SYT14: variants seen among roughly 807,000 people sequenced by gnomAD.
SYT14 encodes synaptotagmin 14, also known as synaptotagmin-14.
In SYT14, 32 loss-of-function variants were observed where a neutral mutation model predicts 74.2. The ratio of observed to expected loss-of-function variants is 0.43; its 90% confidence interval spans 0.33 to 0.58. The LOEUF is 0.58. Among genes scored for constraint, SYT14 ranks in the 20% least tolerant of loss-of-function variants. The probability of loss-of-function intolerance (pLI) is 0.05; values close to 1 mark genes in which losing one functional copy is unlikely to be tolerated. For synonymous variants in SYT14, 298 were observed against 337.7 expected (o/e 0.88, Z 1.29); for missense variants, 791 against 981.8 (o/e 0.81, Z 2.60).
chr1:210,018,167 C>A (rs867543134), intron 4 of SYT14, among the ~76,000 whole-genome samples: 1 of 152,154 alleles, frequency 6.6e-6, no homozygotes, highest in Non-Finnish European at 1.5e-5. Context: ...CAGAGTCTTG[C>A]GCTGTCGCCA....
At chr1:209,955,491 C>CT (rs1005603052) in intron 2 of SYT14, among the ~76,000 whole-genome samples, 2 of 151,948 alleles carry the variant, frequency 1.3e-5, no homozygotes, top group African/African-American at 2.4e-5. Flanking sequence ...AATTTATCCT[C>CT]TTTTTTTTCA....
In SYT14 at chr1:210,092,209, T is replaced by C. The variant is rs1008651303; in HGVS notation, c.1313-2113T>C. Among the ~76,000 whole-genome samples, 3 of 152,182 alleles carry C rather than the reference T, an allele frequency of 2.0e-5. No individual in the cohort carries two copies. In the South Asian group the frequency reaches 6.2e-4, roughly 32 times the overall value. ...ATAGGGATTTGTCTCAGGTGTCAAG[T>C]TTGGAGGTAGGTATTTAGTGATGTT... On this transcript the variant is annotated intron_variant, in intron 5 of 9. Coordinates refer to ENST00000637265, the Ensembl canonical transcript of SYT14.
At chr1:210,126,394 T>C (rs2082571738) in intron 7 of SYT14, among the ~76,000 whole-genome samples, 1 of 151,906 alleles carries the variant, frequency 6.6e-6, no homozygotes, top group African/African-American at 2.4e-5. Flanking sequence ...CAAAGTCACA[T>C]GCTTAAGAAG....
chr1:210,163,758 C>T (rs937513317), exon 10 of SYT14: 11 of 453,626 alleles, frequency 2.4e-5, no homozygotes, highest in Non-Finnish European at 4.0e-5. Context: ...GCTCAGGGGA[C>T]CCACTTCACT....
chr1:210,034,244 AAC>A (rs893882060), intron 5 of SYT14, among the ~76,000 whole-genome samples: 1 of 151,762 alleles, frequency 6.6e-6, no homozygotes, highest in African/African-American at 2.4e-5. Context: ...CCAAAATTTA[AAC>A]ACACAGTGTC....
intron 6 of SYT14, 50 bp from the exon 6 acceptor site, chr1:210,099,962 G>A: frequency 6.7e-7 from 1 of 1,499,770 alleles, no homozygotes; most frequent in Non-Finnish European, 9.2e-7. Flanking sequence ...TTACATGCTA[G>A]GTTAAATAAT....
intron 7 of SYT14, among the ~76,000 whole-genome samples, chr1:210,143,772 A>G (rs1173893266): frequency 6.6e-6 from 1 of 152,216 alleles, no homozygotes; most frequent in Non-Finnish European, 1.5e-5. Flanking sequence ...TCAAGCATTC[A>G]GACCCTTTAT....
chr1:210,162,848 A>G, exon 10 of SYT14: 1 of 453,412 alleles, frequency 2.2e-6, no homozygotes, highest in Non-Finnish European at 4.4e-6. Flanking sequence ...ATTGGATGAC[A>G]TGAGGTTTGA....
At chr1:210,124,372 A>T (rs1235297111) in intron 7 of SYT14, among the ~76,000 whole-genome samples, 2 of 152,146 alleles carry the variant, frequency 1.3e-5, no homozygotes, top group East Asian at 3.8e-4. Flanking sequence ...TATGACTAAC[A>T]GGTGATTCAT....
intron 5 of SYT14, among the ~76,000 whole-genome samples, chr1:210,068,708 A>T (rs2081340057): frequency 6.6e-6 from 1 of 151,620 alleles, no homozygotes; most frequent in Non-Finnish European, 1.5e-5. Flanking sequence ...TGTTTACTTA[A>T]TTCTTTCAGG....
intron 1 of SYT14, among the ~76,000 whole-genome samples, chr1:209,949,918 A>C (rs2078884964): frequency 6.6e-6 from 1 of 152,228 alleles, no homozygotes; most frequent in Non-Finnish European, 1.5e-5. Flanking sequence ...CGAGTAACTT[A>C]AAAAATTTAA....
chr1:210,050,795 A>C (rs1360955038), intron 5 of SYT14, among the ~76,000 whole-genome samples: 4 of 152,226 alleles, frequency 2.6e-5, no homozygotes, highest in Admixed American at 6.5e-5. Context: ...AGAACAGTGC[A>C]GGAAAGACCC....
chr1:209,976,104 A>G (rs2079357959), intron 2 of SYT14, among the ~76,000 whole-genome samples: 1 of 150,826 alleles, frequency 6.6e-6, no homozygotes, highest in African/African-American at 2.4e-5. Context: ...TTTCTTCTTT[A>G]TTAGTCTTGC....
chr1:210,023,490 C>T (rs1360826250), intron 5 of SYT14, among the ~76,000 whole-genome samples: 1 of 151,954 alleles, frequency 6.6e-6, no homozygotes, highest in Non-Finnish European at 1.5e-5. Context: ...ATTACAGGCG[C>T]CTGCCACCAT....
At chr1:210,162,397 C>A in exon 10 of SYT14, 1 of 407,398 alleles carries the variant, frequency 2.5e-6, no homozygotes, top group Non-Finnish European at 4.8e-6. Context: ...TTTTTAATGG[C>A]AAGGCACTTT....
chr1:210,139,265 CTT>C (rs960923188), intron 7 of SYT14, among the ~76,000 whole-genome samples: 5 of 95,812 alleles, frequency 5.2e-5, no homozygotes, highest in African/African-American at 1.6e-4. Context: ...TTTCTTTTTT[CTT>C]TTTTTTTTTT....
chr1:210,155,634 C>T, intron 7 of SYT14, 87 bp from the exon 7 acceptor site: 2 of 1,399,770 alleles, frequency 1.4e-6, no homozygotes, highest in Non-Finnish European at 2.0e-6. Flanking sequence ...GATTTACCTA[C>T]CTAATCCAAA....
At chr1:209,978,974 G>A (rs923220774) in intron 2 of SYT14, among the ~76,000 whole-genome samples, 12 of 152,292 alleles carry the variant, frequency 7.9e-5, no homozygotes, top group African/African-American at 1.4e-4. Flanking sequence ...AGGAATCAGC[G>A]AGGCTCCGTG....
intron 2 of SYT14, among the ~76,000 whole-genome samples, chr1:210,002,821 G>A (rs1233340019): frequency 6.6e-6 from 1 of 151,836 alleles, no homozygotes; most frequent in African/African-American, 2.4e-5. Context: ...CATTTTTTAT[G>A]TATTTAGATA....
Sources: gnomAD v4.1 joint callset for allele counts (sites outside exome capture counted in the v4.1 genomes callset) on GRCh38, gnomAD v4.1.1 for gene constraint, MANE v1.5 for transcripts, NCBI Gene and HGNC (gene_info 2026-07-23, HGNC 2026-07-21) for gene names.